Variants in PDZD2 observed in about 807,000 individuals in gnomAD.
PDZD2 encodes the protein PDZ domain-containing protein 2.
A neutral mutation model predicts 220.7 loss-of-function variants in PDZD2; 90 were observed. That is an observed-to-expected ratio of 0.41 (90% confidence interval 0.34 to 0.49). The LOEUF (loss-of-function observed/expected upper bound fraction) is 0.49. Ranked by LOEUF, PDZD2 falls within the 20% of genes least tolerant of loss-of-function variation. The pLI is 0.28. For synonymous variants in PDZD2, 1,375 were observed against 1,450.5 expected, an observed-to-expected ratio of 0.95 and a Z score of 1.18; for missense variants, 3,174 against 3,608.5, an observed-to-expected ratio of 0.88 and a Z score of 3.08.
At chr5:32,091,247 A>T (rs1423913901) in intron 20 of PDZD2, 72 bp downstream of exon 20, 9 of 1,218,540 alleles carry the variant, frequency 7.4e-6, no homozygotes, top group Non-Finnish European at 1.0e-5. Flanking sequence ...ATTTATAGAA[A>T]AGTTGCAAAG....
intron 3 of PDZD2, among the ~76,000 whole-genome samples, chr5:31,986,503 A>G (rs1157320921): frequency 6.6e-6 from 1 of 152,152 alleles, no homozygotes; most frequent in Non-Finnish European, 1.5e-5. Flanking sequence ...CCACATTCTG[A>G]TGGCACCAAA....
chr5:31,778,789 G>A lies in PDZD2; in HGVS notation c.-360-20100G>A. Among the ~76,000 whole-genome samples, 2 of 152,030 alleles carry A rather than the reference G, an allele frequency of 1.3e-5. 1 individual carries two copies. The highest frequency in any genetic ancestry group is 2.9e-5 in the Non-Finnish European group (2 of 68,018). On this transcript the variant is annotated intron_variant, in intron 1 of 24. Coordinates refer to ENST00000438447, the MANE Select transcript of PDZD2 (RefSeq NM_178140.4). Reference sequence around the variant, plus strand: ...GTGAGCCACCGCACCCAGCCACATGGTGTTTTTAAATCAGTAAAGTAATAA... The same window carrying A: ...GTGAGCCACCGCACCCAGCCACATGATGTTTTTAAATCAGTAAAGTAATAA...
intron 7 of PDZD2, among the ~76,000 whole-genome samples, chr5:32,042,129 G>T (rs1485497973): frequency 2.0e-5 from 3 of 151,832 alleles, no homozygotes; most frequent in Non-Finnish European, 2.9e-5. Context: ...GGGCATGGTG[G>T]CAGGCACCTA....
intron 18 of PDZD2, among the ~76,000 whole-genome samples, chr5:32,076,131 C>T (rs961948144): frequency 2.0e-5 from 3 of 151,812 alleles, no homozygotes; most frequent in African/African-American, 7.3e-5. Context: ...ACTGAAAATA[C>T]AAAAATCAGT....
chr5:32,027,314 T>G (rs2112172278), intron 6 of PDZD2, among the ~76,000 whole-genome samples: 1 of 152,310 alleles, frequency 6.6e-6, no homozygotes, highest in South Asian at 2.1e-4. Context: ...AATGACTGAT[T>G]ACATTCCTGT....
At chr5:31,933,784 A>G (rs1561121444) in intron 2 of PDZD2, among the ~76,000 whole-genome samples, 1 of 152,178 alleles carries the variant, frequency 6.6e-6, no homozygotes, top group Non-Finnish European at 1.5e-5. Context: ...AGTGATCTTC[A>G]GGGTCCCTCC....
At chr5:31,711,485 A>G (rs1748099692) in intron 1 of PDZD2, among the ~76,000 whole-genome samples, 1 of 152,196 alleles carries the variant, frequency 6.6e-6, no homozygotes. Context: ...AGCCAAGGGG[A>G]CTTTAAAGGA....
At position 31,802,711 on chromosome 5, in the gene PDZD2, G is replaced by A. The variant is rs138347334; in HGVS notation, c.476+2987G>A. On this transcript the variant is annotated intron_variant, in intron 2 of 24. Transcript: ENST00000438447. ...CGAGGCGGGCAGATCACAAGGTCAG[G>A]AGATCGGGACCATCGTGGCTAACAT... Among the ~76,000 whole-genome samples the A allele has an allele frequency of 7.1e-3, 1,074 of 152,160 alleles. 5 individuals are homozygous for A. Among genetic ancestry groups the A allele is most frequent in the Non-Finnish European group, 0.011 (779 of 68,016 alleles).
chr5:31,703,328 G>A (rs1365708821), intron 1 of PDZD2, among the ~76,000 whole-genome samples: 1 of 152,196 alleles, frequency 6.6e-6, no homozygotes, highest in African/African-American at 2.4e-5. Context: ...CCTTGGCAGG[G>A]ACATGGATGA....
At chr5:31,785,498 G>T (rs1020874372) in intron 1 of PDZD2, among the ~76,000 whole-genome samples, 1 of 151,382 alleles carries the variant, frequency 6.6e-6, no homozygotes, top group African/African-American at 2.4e-5. Context: ...GAGTGCGGTG[G>T]TATGAGCATA....
chr5:31,915,316 C>G (rs1382399275), intron 2 of PDZD2, among the ~76,000 whole-genome samples: 1 of 152,170 alleles, frequency 6.6e-6, no homozygotes, highest in African/African-American at 2.4e-5. Flanking sequence ...AGCCTCGTGG[C>G]CCCCAGATTC....
chr5:31,879,203 C>A (rs1363028867), intron 2 of PDZD2, among the ~76,000 whole-genome samples: 1 of 151,684 alleles, frequency 6.6e-6, no homozygotes, highest in African/African-American at 2.4e-5. Flanking sequence ...CTGGCTAACA[C>A]GGTGAAATCC....
intron 1 of PDZD2, among the ~76,000 whole-genome samples, chr5:31,641,024 C>G (rs173808): frequency 0.064 from 9,741 of 152,176 alleles, 651 homozygotes; most frequent in East Asian, 0.27. Context: ...TTTGCATGTA[C>G]TTTATGGCAG....
chr5:32,069,263 CAA>C (rs11361686), intron 14 of PDZD2, among the ~76,000 whole-genome samples: 4,783 of 99,318 alleles, frequency 0.048, 238 homozygotes, highest in African/African-American at 0.15. Context: ...GACTCTGTCT[CAA>C]AAAAAAAAAA....
intron 5 of PDZD2, among the ~76,000 whole-genome samples, chr5:32,002,654 T>G: frequency 2.0e-5 from 1 of 50,080 alleles, no homozygotes; most frequent in East Asian, 6.3e-4. Context: ...ACACCCCACA[T>G]ACTACACACA....
chr5:31,689,571 T>C (rs1007413937), intron 1 of PDZD2, among the ~76,000 whole-genome samples: 1 of 151,698 alleles, frequency 6.6e-6, no homozygotes, highest in African/African-American at 2.4e-5. Context: ...ATATGTCTAA[T>C]AAGTTAAGAA....
At chr5:31,776,126 G>T (rs1427377577) in intron 1 of PDZD2, among the ~76,000 whole-genome samples, 1 of 152,226 alleles carries the variant, frequency 6.6e-6, no homozygotes, top group Non-Finnish European at 1.5e-5. Flanking sequence ...GACAAGGCCT[G>T]TGTGAATAAG....
At chr5:31,717,291 T>C (rs553694046) in intron 1 of PDZD2, among the ~76,000 whole-genome samples, 2 of 152,284 alleles carry the variant, frequency 1.3e-5, no homozygotes, top group East Asian at 3.9e-4. Flanking sequence ...GAATGAATGC[T>C]TCAAACTTGT....
chr5:31,754,559 G>A (rs934810513), intron 1 of PDZD2: 1 of 152,162 alleles, frequency 6.6e-6, no homozygotes, highest in Non-Finnish European at 1.5e-5. Context: ...CTATCATCAG[G>A]CTTCCAGCTT....
Sources: gnomAD v4.1 joint callset for allele counts (sites outside exome capture counted in the v4.1 genomes callset) on GRCh38, gnomAD v4.1.1 for gene constraint, MANE v1.5 for transcripts, NCBI Gene and HGNC (gene_info 2026-07-23, HGNC 2026-07-21) for gene names.